The following NAA16 variants were observed in gnomAD, a reference collection of about 807,000 sequenced individuals.
NAA16 encodes N-alpha-acetyltransferase 16, NatA auxiliary subunit.
A neutral mutation model predicts 110.3 loss-of-function variants in NAA16; 97 were observed. That is an observed-to-expected ratio of 0.88 (90% CI 0.75 to 1.04). The LOEUF is 1.04. Among genes scored for constraint, NAA16 ranks in the 50% least tolerant of loss-of-function variants. NAA16 has a pLI of 0.00. For synonymous variants in NAA16, 372 were observed against 330.6 expected (o/e 1.13, Z -1.36); for missense variants, 1,017 against 1,005.1 (o/e 1.01, Z -0.16).
At chr13:41,369,055 T>C (rs748064453) in intron 14 of NAA16, 35 bp from the exon 15 acceptor site, 1 of 1,531,206 alleles carries the variant, frequency 6.5e-7, no homozygotes. Flanking sequence ...AATGCAAACA[T>C]TGGCTCAGAA....
intron 2 of NAA16, 44 bp from the exon 3 acceptor site, chr13:41,318,762 A>C: frequency 9.3e-7 from 1 of 1,079,454 alleles, no homozygotes; most frequent in Non-Finnish European, 1.3e-6. Flanking sequence ...ATAAGAGAAT[A>C]ATTTTGTGTC....
At chr13:41,320,133 T>C (rs915250111) in intron 3 of NAA16, among the ~76,000 whole-genome samples, 7 of 152,226 alleles carry the variant, frequency 4.6e-5, no homozygotes, top group African/African-American at 1.7e-4. Flanking sequence ...GCTAATACTT[T>C]AATTTATAAG....
chr13:41,368,911 G>A (rs1014611007), intron 14 of NAA16, among the ~76,000 whole-genome samples, 179 bp from the exon 15 acceptor site: 6 of 152,190 alleles, frequency 3.9e-5, no homozygotes, highest in Admixed American at 1.3e-4. Flanking sequence ...AGGTTGTATG[G>A]AAATACTGTG....
chr13:41,352,099 T>C (rs937384793), intron 9 of NAA16, among the ~76,000 whole-genome samples: 6 of 152,200 alleles, frequency 3.9e-5, no homozygotes, highest in Non-Finnish European at 5.9e-5. Context: ...CCTAGCACTT[T>C]AGGAGGCTAA....
At chr13:41,314,231 C>G (rs559238230) in intron 1 of NAA16, among the ~76,000 whole-genome samples, 3 of 152,206 alleles carry the variant, frequency 2.0e-5, no homozygotes, top group African/African-American at 7.2e-5. Flanking sequence ...GTAAATGCTT[C>G]CAATAGGTGT....
At chr13:41,341,333 G>T (rs942883581) in intron 9 of NAA16, among the ~76,000 whole-genome samples, 10 of 152,120 alleles carry the variant, frequency 6.6e-5, no homozygotes, top group Non-Finnish European at 5.9e-5. Context: ...TCATCTCATT[G>T]AAAATATCAG....
At chr13:41,360,004 T>A (rs1355106339) in intron 12 of NAA16, among the ~76,000 whole-genome samples, 4 of 152,180 alleles carry the variant, frequency 2.6e-5, no homozygotes, top group Non-Finnish European at 5.9e-5. Context: ...TAGTCCCAGC[T>A]ACCACATAGT....
intron 2 of NAA16, 129 bp downstream of exon 2, chr13:41,317,059 A>T (rs1355912458): frequency 4.7e-6 from 3 of 639,696 alleles, no homozygotes; most frequent in Non-Finnish European, 5.6e-6. Flanking sequence ...AATGTTCAGC[A>T]TTTTTTTAAT....
intron 9 of NAA16, among the ~76,000 whole-genome samples, chr13:41,343,655 G>A (rs1359388165): frequency 2.0e-5 from 3 of 152,086 alleles, no homozygotes; most frequent in East Asian, 1.9e-4. Context: ...TCAGCCTCCC[G>A]AGTAGCTGGG....
chr13:41,375,128 A>T (rs376378142), intron 19 of NAA16, among the ~76,000 whole-genome samples: 9 of 152,350 alleles, frequency 5.9e-5, no homozygotes, highest in Admixed American at 3.3e-4. Context: ...TACTCAGTAA[A>T]TGTGGGCTAT....
intron 9 of NAA16, among the ~76,000 whole-genome samples, chr13:41,354,886 ATTTTTTTTT>A (rs10671840): frequency 1.8e-5 from 2 of 112,484 alleles, no homozygotes; most frequent in African/African-American, 3.5e-5. Flanking sequence ...GGAGTGGTCC[ATTTTTTTTT>A]TTTTTTTTTT....
At chr13:41,314,888 C>T (rs943369789) in intron 1 of NAA16, among the ~76,000 whole-genome samples, 1 of 152,108 alleles carries the variant, frequency 6.6e-6, no homozygotes, top group African/African-American at 2.4e-5. Context: ...TCCTTCCTAT[C>T]CACTCAGGAG....
intron 13 of NAA16, chr13:41,362,413 T>A: frequency 2.6e-6 from 1 of 381,888 alleles, no homozygotes; most frequent in Non-Finnish European, 4.8e-6. Flanking sequence ...TTATTGCTAT[T>A]AACATAAATT....
chr13:41,355,839 C>CT (rs2042967965), intron 10 of NAA16, among the ~76,000 whole-genome samples: 1 of 152,172 alleles, frequency 6.6e-6, no homozygotes, highest in Non-Finnish European at 1.5e-5. Context: ...AAATTCTCTG[C>CT]TTTTTCTACC....
Position 41,311,528 on chromosome 13 carries a change from G to A in NAA16, c.-1G>A, listed in dbSNP as rs750837319. ...GCCACCTAGCCTCCCTGCCGGCCAC[G>A]ATGCCGAACGTGCTGCTGCCGCCCA... On this transcript the variant is annotated 5_prime_UTR_variant, in exon 1 of 20. Coordinates refer to ENST00000379406, the MANE Select transcript of NAA16 (RefSeq NM_024561.5). The A allele has an allele frequency of 6.2e-7, 1 of 1,603,268 alleles. No individual in the cohort carries two copies. Among genetic ancestry groups the A allele is most frequent in the Non-Finnish European group, 8.5e-7 (1 of 1,175,474 alleles).
At chr13:41,329,670 A>G (rs1362296644) in intron 7 of NAA16, among the ~76,000 whole-genome samples, 1 of 151,834 alleles carries the variant, frequency 6.6e-6, no homozygotes, top group Admixed American at 6.6e-5. Flanking sequence ...TAACACTACA[A>G]ATTGTTAAAA....
intron 7 of NAA16, among the ~76,000 whole-genome samples, 182 bp from the exon 8 acceptor site, chr13:41,331,092 A>G (rs2042224913): frequency 6.6e-6 from 1 of 152,064 alleles, no homozygotes; most frequent in Non-Finnish European, 1.5e-5. Flanking sequence ...TAAAACAGTG[A>G]CTTAACTGAT....
At chr13:41,368,781 C>T (rs983251893) in intron 14 of NAA16, among the ~76,000 whole-genome samples, 2 of 152,114 alleles carry the variant, frequency 1.3e-5, no homozygotes, top group African/African-American at 4.8e-5. Flanking sequence ...TTATTTTAGG[C>T]ATACCTATAG....
chr13:41,318,786 G>T lies in NAA16; in HGVS notation c.140-20G>T. The T allele has an allele frequency of 7.2e-7, 1 of 1,390,876 alleles. No homozygotes were observed. Among genetic ancestry groups the T allele is most frequent in the Non-Finnish European group, 9.8e-7 (1 of 1,016,930 alleles). The allele number at this position is 1,390,876 out of a possible 1,614,324, so 86.2% of individuals were successfully genotyped here. The stretch of plus-strand genomic sequence containing the variant: ...TAATTTTGTGTCATTTGTAAATAGA[G>T]TTTAAAAATTATTTTTCAGAGACTT... On this transcript the variant is annotated intron_variant, in intron 2 of 19. Transcript: ENST00000379406.
Sources: gnomAD v4.1 joint callset for allele counts (sites outside exome capture counted in the v4.1 genomes callset) on GRCh38, gnomAD v4.1.1 for gene constraint, MANE v1.5 for transcripts, NCBI Gene and HGNC (gene_info 2026-07-23, HGNC 2026-07-21) for gene names.